Variants in PALLD observed in about 807,000 individuals in gnomAD.
The protein encoded by PALLD is palladin, cytoskeletal associated protein, also known as palladin.
Under a neutral mutation model 123.5 loss-of-function variants are expected in PALLD, and 61 were observed. That is an observed-to-expected ratio of 0.49 (90% CI 0.40 to 0.61). PALLD has a LOEUF of 0.61. PALLD is among the 20% of genes least tolerant of loss of function. PALLD has a pLI of 0.00. For missense variants in PALLD, 1,273 were observed against 1,377.0 expected, an observed-to-expected ratio of 0.92 and a Z score of 1.20; for synonymous variants, 465 against 496.4, an observed-to-expected ratio of 0.94 and a Z score of 0.84.
intron 3 of PALLD, among the ~76,000 whole-genome samples, chr4:168,671,732 GT>G (rs1780301656): frequency 6.6e-6 from 1 of 152,146 alleles, no homozygotes; most frequent in African/African-American, 2.4e-5. Flanking sequence ...ATGACTCAAA[GT>G]AAGAAATTTT....
intron 3 of PALLD, among the ~76,000 whole-genome samples, chr4:168,671,259 G>C (rs1162909246): frequency 6.6e-6 from 1 of 152,160 alleles, no homozygotes; most frequent in Non-Finnish European, 1.5e-5. Flanking sequence ...TGGTTCTTCT[G>C]TGTAAAAGCC....
At chr4:168,922,143 A>ACC (rs1761712934) in intron 18 of PALLD, among the ~76,000 whole-genome samples, 3 of 147,902 alleles carry the variant, frequency 2.0e-5, no homozygotes, top group African/African-American at 5.0e-5. Context: ...ACACACACAC[A>ACC]CCTGGTTTTT....
intron 2 of PALLD, among the ~76,000 whole-genome samples, chr4:168,662,231 G>T (rs1295980961): frequency 6.6e-6 from 1 of 152,136 alleles, no homozygotes; most frequent in East Asian, 1.9e-4. Context: ...GTCCGAGGGG[G>T]TTCTCAAGTC....
intron 2 of PALLD, among the ~76,000 whole-genome samples, chr4:168,646,541 C>A (rs1777474985): frequency 6.6e-6 from 1 of 152,204 alleles, no homozygotes. Context: ...AATCCTAACC[C>A]TCAAATGAAA....
intron 11 of PALLD, 190 bp from the exon 12 acceptor site, chr4:168,894,389 A>G: frequency 1.6e-6 from 1 of 609,600 alleles, no homozygotes; most frequent in Non-Finnish European, 2.9e-6. Context: ...TTAGGCCATT[A>G]GTACTAGAAA....
At chr4:168,594,167 G>A (rs891754550) in intron 2 of PALLD, among the ~76,000 whole-genome samples, 22 of 151,966 alleles carry the variant, frequency 1.4e-4, no homozygotes, top group Non-Finnish European at 2.2e-4. Flanking sequence ...TTTTAAAAGA[G>A]GAAAAAAATC....
chr4:168,852,212 A>G (rs1261446296), intron 10 of PALLD, among the ~76,000 whole-genome samples: 6 of 152,176 alleles, frequency 3.9e-5, no homozygotes, highest in Admixed American at 3.9e-4. Flanking sequence ...AGAAATATAC[A>G]CCAAGCCCAG....
chr4:168,742,253 C>G (rs1015734378), intron 10 of PALLD, among the ~76,000 whole-genome samples: 1 of 152,196 alleles, frequency 6.6e-6, no homozygotes, highest in Admixed American at 6.5e-5. Context: ...CCCAGTGCAT[C>G]ATGAACAAAT....
chr4:168,816,415 T>TATATATATATATATATATATA (rs35097396), intron 10 of PALLD, among the ~76,000 whole-genome samples: 22 of 136,272 alleles, frequency 1.6e-4, no homozygotes, highest in African/African-American at 5.3e-4. Context: ...ATATATATAT[T>TATATATATATATATATATATA]TTTTTTAAGT....
intron 10 of PALLD, among the ~76,000 whole-genome samples, chr4:168,881,786 C>T (rs1231910316): frequency 4.6e-5 from 7 of 152,154 alleles, no homozygotes; most frequent in Non-Finnish European, 1.0e-4. Context: ...GTTGGTGTTA[C>T]AGCCTCCATT....
chr4:168,617,001 G>C (rs1465553591), intron 2 of PALLD, among the ~76,000 whole-genome samples: 1 of 152,186 alleles, frequency 6.6e-6, no homozygotes, highest in African/African-American at 2.4e-5. Flanking sequence ...AGTGCTGTGA[G>C]CAGCTTAAAA....
intron 10 of PALLD, among the ~76,000 whole-genome samples, chr4:168,819,611 A>G (rs1742437574): frequency 6.6e-6 from 1 of 152,232 alleles, no homozygotes; most frequent in South Asian, 2.1e-4. Flanking sequence ...TGACCCCGCT[A>G]CTGCTGGGAG....
chr4:168,504,253 C>T (rs1052822132), intron 1 of PALLD, among the ~76,000 whole-genome samples: 3 of 152,164 alleles, frequency 2.0e-5, no homozygotes, highest in Non-Finnish European at 2.9e-5. Context: ...AGAGTCATTT[C>T]CTCCATGGTG....
intron 10 of PALLD, among the ~76,000 whole-genome samples, chr4:168,790,662 CTA>C (rs1210252807): frequency 1.3e-5 from 2 of 152,112 alleles, no homozygotes; most frequent in Non-Finnish European, 2.9e-5. Context: ...CTGTTGTCCT[CTA>C]TGTCTTCACT....
At chr4:168,838,769 G>A (rs1377642466) in intron 10 of PALLD, among the ~76,000 whole-genome samples, 1 of 147,744 alleles carries the variant, frequency 6.8e-6, no homozygotes, top group Non-Finnish European at 1.5e-5. Flanking sequence ...ACTGCTACAG[G>A]AAACCTACAC....
intron 10 of PALLD, among the ~76,000 whole-genome samples, chr4:168,780,505 G>A (rs992168290): frequency 1.3e-5 from 2 of 152,130 alleles, no homozygotes; most frequent in Non-Finnish European, 2.9e-5. Flanking sequence ...CTGTGTAATT[G>A]CTCTAACATT....
intron 2 of PALLD, among the ~76,000 whole-genome samples, chr4:168,544,805 A>G (rs1291847233): frequency 1.3e-5 from 2 of 152,172 alleles, no homozygotes; most frequent in Non-Finnish European, 2.9e-5. Context: ...GAAAGGGACC[A>G]TTTTTACACC....
intron 15 of PALLD, among the ~76,000 whole-genome samples, chr4:168,905,781 CT>C (rs201314551): frequency 2.0e-5 from 2 of 99,148 alleles, no homozygotes; most frequent in Non-Finnish European, 4.1e-5. Flanking sequence ...GCGGAACTTG[CT>C]TTTTTTTCTT....
intron 2 of PALLD, among the ~76,000 whole-genome samples, chr4:168,608,420 G>A (rs1332320528): frequency 6.6e-6 from 1 of 152,186 alleles, no homozygotes; most frequent in Non-Finnish European, 1.5e-5. Context: ...ATGAGACTGA[G>A]ACTTCATGAC....
Sources: gnomAD v4.1 joint callset for allele counts (sites outside exome capture counted in the v4.1 genomes callset) on GRCh38, gnomAD v4.1.1 for gene constraint, MANE v1.5 for transcripts, NCBI Gene and HGNC (gene_info 2026-07-23, HGNC 2026-07-21) for gene names.